BHLHE22: variants seen among roughly 807,000 people sequenced by gnomAD.
BHLHE22 encodes class E basic helix-loop-helix protein 22.
BHLHE22 carries 8 observed loss-of-function variants against 17.6 expected under a neutral mutation model. The observed-to-expected ratio is 0.45, with a 90% CI of 0.27 to 0.82. BHLHE22 has a LOEUF of 0.82. Among genes scored for constraint, BHLHE22 ranks in the 40% least tolerant of loss-of-function variants. The pLI is 0.16. For synonymous variants in BHLHE22, 353 were observed against 282.7 expected, an observed-to-expected ratio of 1.25 and a Z score of -2.49; for missense variants, 570 against 581.5, an observed-to-expected ratio of 0.98 and a Z score of 0.20.
chr8:64,580,567 T>A lies in BHLHE22; in HGVS notation c.-224T>A. 6.4e-6 allele frequency: 1 copy of A among 157,246 alleles called. No individual in the cohort carries two copies. The highest frequency in any genetic ancestry group is 1.4e-5 in the Non-Finnish European group (1 of 73,962). 9.7% of individuals were successfully genotyped at this position (157,246 alleles called of 1,614,324 possible). A position where few individuals can be genotyped will look rare whatever the true frequency, so the allele number is the denominator to read the frequency against. ...TGGTGAGCCCCAGCAGCCAGCACCA[T>A]CGGCTGGAGACGAAGAAGAAGAAGA... is the stretch of plus-strand genomic sequence containing the variant. On this transcript the variant is annotated 5_prime_UTR_variant, in exon 1 of 1. Coordinates refer to ENST00000321870, the MANE Select transcript of BHLHE22 (RefSeq NM_152414.5).
At position 64,581,410 on chromosome 8, in the gene BHLHE22, G is replaced by A. The variant is rs557592166; in HGVS notation, c.620G>A (p.Gly207Asp). The change falls in exon 1 of 1, where the codon GGT becomes GAT. Residue 207 changes from glycine (G) to aspartate (D), a missense_variant. Around this residue, in one of 3 missense-constraint regions of BHLHE22, gnomAD observed 427 missense variants for 376.2 expected, o/e 1.14. Transcript: ENST00000321870. The surrounding 1 kb of genome is among the most constrained non-coding windows in gnomAD (Gnocchi z 6.4). ...GGCCTGGGCGGCGGCGGCGGCGGGG[G>A]TAGCAGCAGCGGTAGCAGTGGCGGC... ...PGGLGGGGGG[G>D]SSSGSSGGGG... 1.2e-5 allele frequency: 19 copies of A among 1,531,494 alleles called. No individual in the cohort carries two copies. The highest frequency in any genetic ancestry group is 2.5e-5 in the East Asian group (1 of 40,426). 94.9% of individuals were successfully genotyped at this position (1,531,494 alleles called of 1,614,324 possible).
Position 64,582,879 on chromosome 8 carries a change from G to T in BHLHE22, c.*943G>T, listed in dbSNP as rs1252089715. The T allele has an allele frequency of 6.0e-6, 1 of 166,946 alleles. No homozygotes were observed. Among genetic ancestry groups the T allele is most frequent in the African/African-American group, 2.4e-5 (1 of 41,410 alleles). The allele number at this position is 166,946 out of a possible 1,614,324, so 10.3% of individuals were successfully genotyped here. ...GTTTATTTGCCAACAAGTATGAAGA[G>T]AAATATTGATGTATCTGAGCTGCTT... is the stretch of plus-strand genomic sequence containing the variant. On this transcript the variant is annotated 3_prime_UTR_variant, in exon 1 of 1. Coordinates refer to ENST00000321870, the MANE Select transcript of BHLHE22 (RefSeq NM_152414.5).
chr8:64,581,466 AGC>A lies in BHLHE22; in HGVS notation c.677_678del (p.Ser226LysfsTer20). ...GGGSGSGSGGSSSSSSSSSKK... is the reference protein window; with the variant it reads ...GGGSGSGSGGXSSSSSSSSKK... ...CGGTAGCGGTAGCGGCAGCGGCGGC[AGC>A]AGCAGCAGCAGCAGCAGCAGCAGCA... On this transcript the variant is annotated frameshift_variant, in exon 1 of 1. Transcript: ENST00000321870. LOFTEE classifies it high-confidence loss of function. The surrounding 1 kb of genome is among the most constrained non-coding windows in gnomAD (Gnocchi z 6.4). 2.4e-6 allele frequency: 3 copies of A among 1,231,924 alleles called. No individual in the cohort carries two copies. In the South Asian group the frequency reaches 4.1e-5, roughly 17 times the overall value. The allele number at this position is 1,231,924 out of a possible 1,614,324, so 76.3% of individuals were successfully genotyped here. A position where few individuals can be genotyped will look rare whatever the true frequency, so the allele number is the denominator to read the frequency against.
At position 64,580,703 on chromosome 8, in the gene BHLHE22, C is replaced by A. The variant is rs1242500633; in HGVS notation, c.-88C>A. The A allele has an allele frequency of 4.8e-6, 4 of 840,050 alleles. No homozygotes were observed. The highest frequency in any genetic ancestry group is 5.3e-5 in the South Asian group (1 of 18,974). The allele number at this position is 840,050 out of a possible 1,614,324, so 52.0% of individuals were successfully genotyped here. ...CACCAGCTCCGGAGCCCAGCTCGCGCGCGTCTGTGGGGCCGCCTGACTCCG... is the reference window on the plus strand; with the variant it reads ...CACCAGCTCCGGAGCCCAGCTCGCGAGCGTCTGTGGGGCCGCCTGACTCCG... On this transcript the variant is annotated 5_prime_UTR_variant, in exon 1 of 1. Coordinates refer to ENST00000321870, the MANE Select transcript of BHLHE22 (RefSeq NM_152414.5).
rs1019749069 is a variant in BHLHE22, at chr8:64,583,270, T to TA, written c.*1341dup. On this transcript the variant is annotated 3_prime_UTR_variant, in exon 1 of 1. Coordinates refer to ENST00000321870, the MANE Select transcript of BHLHE22 (RefSeq NM_152414.5). Reference sequence around the variant, plus strand: ...GGTGTGAAATCCTTTGTTATTTTTCTAAAAAAATAAAATTTAAAAAGAAAG... The same window carrying TA: ...GGTGTGAAATCCTTTGTTATTTTTCTAAAAAAAATAAAATTTAAAAAGAAAG... The TA allele has an allele frequency of 3.0e-5, 5 of 167,060 alleles. No individual in the cohort carries two copies. The highest frequency in any genetic ancestry group is 2.1e-4 in the South Asian group (1 of 4,822). The allele number at this position is 167,060 out of a possible 1,614,324, so 10.3% of individuals were successfully genotyped here.
rs958477081 is a variant in BHLHE22 at position 64,582,539 on chromosome 8, C to T, written c.*603C>T. The T allele has an allele frequency of 3.6e-5, 6 of 166,940 alleles. No individual in the cohort carries two copies. 10.3% of individuals were successfully genotyped at this position (166,940 alleles called of 1,614,324 possible). A position where few individuals can be genotyped will look rare whatever the true frequency, so the allele number is the denominator to read the frequency against. Reference sequence around the variant, plus strand: ...GAGAGCGAGAGAGAGAGACATGTTACTATGAAAGACTTGTATTTTTTATTG... The same window carrying T: ...GAGAGCGAGAGAGAGAGACATGTTATTATGAAAGACTTGTATTTTTTATTG... On this transcript the variant is annotated 3_prime_UTR_variant, in exon 1 of 1. Coordinates refer to ENST00000321870, the MANE Select transcript of BHLHE22 (RefSeq NM_152414.5).
rs981576072 is a variant in BHLHE22, at chr8:64,582,237, G to A, written c.*301G>A. 2.0e-5 allele frequency: 9 copies of A among 456,638 alleles called. No homozygotes were observed. Among genetic ancestry groups the A allele is most frequent in the African/African-American group, 1.9e-4 (9 of 47,388 alleles). The allele number at this position is 456,638 out of a possible 1,614,324, so 28.3% of individuals were successfully genotyped here. On this transcript the variant is annotated 3_prime_UTR_variant, in exon 1 of 1. Transcript: ENST00000321870. ...GTGGCAGCCTAGACCGCGAGGAAGT[G>A]GAATCTTCCTTAAAGGTGAAACATA... is the stretch of plus-strand genomic sequence containing the variant.
In BHLHE22 at chr8:64,580,892, T is replaced by G. The variant is rs759953920; in HGVS notation, c.102T>G (p.Ala34=). 2.2e-5 allele frequency: 33 copies of G among 1,521,664 alleles called. No individual in the cohort carries two copies. The highest frequency in any genetic ancestry group is 4.3e-5 in the African/African-American group (3 of 69,376). 94.3% of individuals were successfully genotyped at this position (1,521,664 alleles called of 1,614,324 possible). Residue 34 remains alanine (A), a synonymous_variant, in exon 1 of 1, where the codon GCT becomes GCG. Coordinates refer to ENST00000321870, the MANE Select transcript of BHLHE22 (RefSeq NM_152414.5). The stretch of plus-strand genomic sequence containing the variant: ...CCACCTCCAAGCGCTTGGAAGCGGC[T>G]TTCCGCTCCACGCCCCCGGGCATGG... The part of the protein sequence containing the change: ...SASTSKRLEA[A]FRSTPPGMDL...
Position 64,580,841 on chromosome 8 carries a change from C to A in BHLHE22, c.51C>A (p.Leu17=). The A allele has an allele frequency of 6.7e-7, 1 of 1,491,000 alleles. No individual in the cohort carries two copies. The highest frequency in any genetic ancestry group is 1.5e-5 in the African/African-American group (1 of 68,890). 92.4% of individuals were successfully genotyped at this position (1,491,000 alleles called of 1,614,324 possible). ...LGAAAAGEDD[L]FLHKSLSAST... is the part of the protein sequence containing the mutation. ...CAGCGGCCGCCGGCGAGGACGACCT[C>A]TTCCTGCACAAGAGCCTGAGCGCCT... is the stretch of plus-strand genomic sequence containing the variant. The change falls in exon 1 of 1, where the codon CTC becomes CTA. Residue 17 remains leucine (L), a synonymous_variant. Coordinates refer to ENST00000321870, the MANE Select transcript of BHLHE22 (RefSeq NM_152414.5).
In BHLHE22 at chr8:64,581,961, C is replaced by A; in HGVS notation, c.*25C>A. On this transcript the variant is annotated 3_prime_UTR_variant, in exon 1 of 1. Transcript: ENST00000321870. The surrounding 1 kb of genome is among the most constrained non-coding windows in gnomAD (Gnocchi z 6.4). Reference sequence around the variant, plus strand: ...AACACACCCCCGAAAAACACAAGACCGACCCAAAATCTAGAGGAAAGCGAA... The same window carrying A: ...AACACACCCCCGAAAAACACAAGACAGACCCAAAATCTAGAGGAAAGCGAA... The A allele has an allele frequency of 1.2e-6, 2 of 1,608,392 alleles. No individual in the cohort carries two copies. The highest frequency in any genetic ancestry group is 2.7e-5 in the African/African-American group (2 of 74,694).
At position 64,580,838 on chromosome 8, in the gene BHLHE22, C is replaced by T. The variant is rs1804879175; in HGVS notation, c.48C>T (p.Asp16=). 3.4e-6 allele frequency: 5 copies of T among 1,484,526 alleles called. No homozygotes were observed. The highest frequency in any genetic ancestry group is 3.6e-6 in the Non-Finnish European group (4 of 1,124,682). 92.0% of individuals were successfully genotyped at this position (1,484,526 alleles called of 1,614,324 possible). A position where few individuals can be genotyped will look rare whatever the true frequency, so the allele number is the denominator to read the frequency against. The part of the protein sequence containing the change: ...HLGAAAAGED[D]LFLHKSLSAS... Reference sequence around the variant, plus strand: ...GTGCAGCGGCCGCCGGCGAGGACGACCTCTTCCTGCACAAGAGCCTGAGCG... The same window carrying T: ...GTGCAGCGGCCGCCGGCGAGGACGATCTCTTCCTGCACAAGAGCCTGAGCG... The change falls in exon 1 of 1, where the codon GAC becomes GAT. Residue 16 remains aspartate, a synonymous_variant. Transcript: ENST00000321870.
At position 64,582,047 on chromosome 8, in the gene BHLHE22, A is replaced by G. The variant is rs1804912732; in HGVS notation, c.*111A>G. ...GTAGTTGTGAAACACTTGCAGAGCAAACAAAGCAGAGGCAAGAACTGAGGA... is the reference window on the plus strand; with the variant it reads ...GTAGTTGTGAAACACTTGCAGAGCAGACAAAGCAGAGGCAAGAACTGAGGA... On this transcript the variant is annotated 3_prime_UTR_variant, in exon 1 of 1. Coordinates refer to ENST00000321870, the MANE Select transcript of BHLHE22 (RefSeq NM_152414.5). 8.3e-6 allele frequency: 11 copies of G among 1,320,592 alleles called. No homozygotes were observed. In the East Asian group the frequency reaches 2.8e-4, roughly 33 times the overall value. 81.8% of individuals were successfully genotyped at this position (1,320,592 alleles called of 1,614,324 possible). A position where few individuals can be genotyped will look rare whatever the true frequency, so the allele number is the denominator to read the frequency against.
rs1804873788 is a variant in BHLHE22, at chr8:64,580,641, G to A, written c.-150G>A. 4.2e-6 allele frequency: 1 copy of A among 236,504 alleles called. No individual in the cohort carries two copies. Among genetic ancestry groups the A allele is most frequent in the East Asian group, 1.7e-4 (1 of 5,850 alleles). The allele number at this position is 236,504 out of a possible 1,614,324, so 14.7% of individuals were successfully genotyped here. On this transcript the variant is annotated 5_prime_UTR_variant, in exon 1 of 1. Transcript: ENST00000321870. ...AAGGCGAAAAAGAAAAAGAAAGAAG[G>A]GGAGAGGGCTCCCGGCAGCACCAGG...
rs1804902996 is a variant in BHLHE22, at chr8:64,581,528, C to T, written c.738C>T (p.Asn246=). Residue 246 remains asparagine, a synonymous_variant, in exon 1 of 1, where the codon AAC becomes AAT. Coordinates refer to ENST00000321870, the MANE Select transcript of BHLHE22 (RefSeq NM_152414.5). The surrounding 1 kb of genome is among the most constrained non-coding windows in gnomAD (Gnocchi z 6.4). ...KSKEQKALRL[N]INARERRRMH... is the part of the protein sequence containing the mutation. The stretch of plus-strand genomic sequence containing the variant: ...AAGAGCAAAAGGCGCTGCGGCTTAA[C>T]ATCAATGCCCGAGAGCGCCGGCGGA... The T allele has an allele frequency of 3.1e-6, 5 of 1,607,308 alleles. No homozygotes were observed. In the East Asian group the frequency reaches 1.1e-4, roughly 36 times the overall value.
rs1344214827 is a variant in BHLHE22 at position 64,582,799 on chromosome 8, A to C, written c.*863A>C. ...ATGGGTCTTATGTGCAGATTTTTTT[A>C]ATGCCTCTAAAATTGTTTTATAGAT... On this transcript the variant is annotated 3_prime_UTR_variant, in exon 1 of 1. Coordinates refer to ENST00000321870, the MANE Select transcript of BHLHE22 (RefSeq NM_152414.5). The C allele has an allele frequency of 6.0e-6, 1 of 167,056 alleles. No homozygotes were observed. Among genetic ancestry groups the C allele is most frequent in the Non-Finnish European group, 1.5e-5 (1 of 68,118 alleles). 10.3% of individuals were successfully genotyped at this position (167,056 alleles called of 1,614,324 possible).
rs564481509 is a variant in BHLHE22 at position 64,582,045 on chromosome 8, C to A, written c.*109C>A. On this transcript the variant is annotated 3_prime_UTR_variant, in exon 1 of 1. Transcript: ENST00000321870. ...TCGTAGTTGTGAAACACTTGCAGAGCAAACAAAGCAGAGGCAAGAACTGAG... is the reference window on the plus strand; with the variant it reads ...TCGTAGTTGTGAAACACTTGCAGAGAAAACAAAGCAGAGGCAAGAACTGAG... 110 of 1,179,672 alleles carry A rather than the reference C, an allele frequency of 9.3e-5. No homozygotes were observed. The highest frequency in any genetic ancestry group is 2.1e-4 in the Middle Eastern group (1 of 4,784). The allele number at this position is 1,179,672 out of a possible 1,614,324, so 73.1% of individuals were successfully genotyped here.
rs1313991774 is a variant in BHLHE22, at chr8:64,583,097, C to T, written c.*1161C>T. Reference sequence around the variant, plus strand: ...AAACATCACAGCAATAGTTGCTATACGTAAGAACATGCTAAGCAAATATTT... The same window carrying T: ...AAACATCACAGCAATAGTTGCTATATGTAAGAACATGCTAAGCAAATATTT... On this transcript the variant is annotated 3_prime_UTR_variant, in exon 1 of 1. Transcript: ENST00000321870. The T allele has an allele frequency of 6.0e-6, 1 of 167,092 alleles. No individual in the cohort carries two copies. The allele number at this position is 167,092 out of a possible 1,614,324, so 10.4% of individuals were successfully genotyped here. A position where few individuals can be genotyped will look rare whatever the true frequency, so the allele number is the denominator to read the frequency against.
chr8:64,583,506 T>G lies in BHLHE22; in HGVS notation c.*1570T>G, dbSNP rs1585788379. 1 of 167,098 alleles carries G rather than the reference T, an allele frequency of 6.0e-6. No individual in the cohort carries two copies. The highest frequency in any genetic ancestry group is 2.4e-5 in the African/African-American group (1 of 41,514). 10.4% of individuals were successfully genotyped at this position (167,098 alleles called of 1,614,324 possible). ...GAGCTGTGATGGATCTGTTGGCGGG[T>G]TTTGGATGTGTAAAGAATGATATAT... On this transcript the variant is annotated 3_prime_UTR_variant, in exon 1 of 1. Coordinates refer to ENST00000321870, the MANE Select transcript of BHLHE22 (RefSeq NM_152414.5).
Position 64,581,245 on chromosome 8 carries a change from G to A in BHLHE22, c.455G>A (p.Ser152Asn). The change falls in exon 1 of 1, where the codon AGC becomes AAC. Residue 152 changes from serine (S) to asparagine (N), a missense_variant. Coordinates refer to ENST00000321870, the MANE Select transcript of BHLHE22 (RefSeq NM_152414.5). The surrounding 1 kb of genome is among the most constrained non-coding windows in gnomAD (Gnocchi z 6.4). The part of the protein sequence containing the change: ...SGGEQSPDDD[S>N]DGRCELVLRA... ...GGCGAGCAGAGCCCCGACGACGACAGCGACGGTCGCTGCGAGCTCGTGCTG... is the reference window on the plus strand; with the variant it reads ...GGCGAGCAGAGCCCCGACGACGACAACGACGGTCGCTGCGAGCTCGTGCTG... The A allele has an allele frequency of 6.9e-7, 1 of 1,453,630 alleles. No individual in the cohort carries two copies. Among genetic ancestry groups the A allele is most frequent in the Non-Finnish European group, 9.0e-7 (1 of 1,115,284 alleles). 90.0% of individuals were successfully genotyped at this position (1,453,630 alleles called of 1,614,324 possible).
Sources: allele counts gnomAD v4.1 joint callset, GRCh38; gene constraint gnomAD v4.1.1; regional missense constraint gnomAD v4.1.1; non-coding constraint Gnocchi (gnomAD v3.1); transcripts MANE v1.5; gene names NCBI Gene and HGNC (gene_info 2026-07-23, HGNC 2026-07-21).